The following RGS20 variants were observed in gnomAD, a reference collection of about 807,000 sequenced individuals.
RGS20 encodes gz-selective GTPase-activating protein.
Under a neutral mutation model 33.6 loss-of-function variants are expected in RGS20, and 30 were observed. The ratio of observed to expected loss-of-function variants is 0.89; its 90% CI spans 0.67 to 1.21. The LOEUF (loss-of-function observed/expected upper bound fraction) is 1.21. Among genes scored for constraint, RGS20 ranks in the 50% most tolerant of loss-of-function variants. The probability of loss-of-function intolerance (pLI) is 0.00; values close to 1 mark genes in which losing one functional copy is unlikely to be tolerated. For missense variants in RGS20, 472 were observed against 502.4 expected (o/e 0.94, Z 0.58); for synonymous variants, 208 against 197.9 (o/e 1.05, Z -0.43).
chr8:53,934,935 T>C (rs781222438), intron 2 of RGS20, among the ~76,000 whole-genome samples: 1 of 152,110 alleles, frequency 6.6e-6, no homozygotes, highest in Non-Finnish European at 1.5e-5. Context: ...GCAATCAAAT[T>C]AGAACTCAGG....
intron 5 of RGS20, among the ~76,000 whole-genome samples, chr8:53,957,517 C>T (rs1814902103): frequency 6.6e-6 from 1 of 152,242 alleles, no homozygotes; most frequent in Non-Finnish European, 1.5e-5. Context: ...CAGCACTCAT[C>T]CCCAGAGCCC....
chr8:53,914,422 C>A lies in RGS20; in HGVS notation c.511-25154C>A, dbSNP rs73589227. On this transcript the variant is annotated intron_variant, in intron 2 of 5. Coordinates refer to ENST00000297313, the MANE Select transcript of RGS20 (RefSeq NM_170587.4). Reference sequence around the variant, plus strand: ...TTTCTCTTCCTATTTTTGATCTTATCCCTTACAGATCTCCCTTCATGTCCC... The same window carrying A: ...TTTCTCTTCCTATTTTTGATCTTATACCTTACAGATCTCCCTTCATGTCCC... Among the ~76,000 whole-genome samples, 1,475 of 152,232 alleles carry A rather than the reference C, an allele frequency of 9.7e-3. 27 individuals are homozygous for A. The highest frequency in any genetic ancestry group is 0.034 in the African/African-American group (1,402 of 41,536).
At chr8:53,881,059 C>T (rs755675513) in intron 2 of RGS20, 4 of 1,550,808 alleles carry the variant, frequency 2.6e-6, no homozygotes, top group East Asian at 4.6e-5. Flanking sequence ...GCTTCCTCCC[C>T]GGCCGGCAGG....
intron 2 of RGS20, among the ~76,000 whole-genome samples, chr8:53,920,764 A>ATT (rs527736289): frequency 6.7e-6 from 1 of 150,004 alleles, no homozygotes; most frequent in African/African-American, 2.4e-5. Context: ...TTGTCAAATA[A>ATT]TTTTTTTTTT....
intron 1 of RGS20, among the ~76,000 whole-genome samples, chr8:53,875,143 C>T (rs1266333543): frequency 1.3e-5 from 2 of 152,148 alleles, no homozygotes; most frequent in East Asian, 3.9e-4. Context: ...TTCAAAGCAC[C>T]ATCTCCAGCA....
At chr8:53,923,307 A>T (rs528211083) in intron 2 of RGS20, among the ~76,000 whole-genome samples, 3 of 152,304 alleles carry the variant, frequency 2.0e-5, no homozygotes, top group Non-Finnish European at 4.4e-5. Flanking sequence ...TCTTTAAAAA[A>T]TATTAGGCCT....
intron 1 of RGS20, among the ~76,000 whole-genome samples, chr8:53,865,416 C>T (rs1413921660): frequency 6.6e-6 from 1 of 152,220 alleles, no homozygotes; most frequent in Admixed American, 6.5e-5. Context: ...TGTAAAACCA[C>T]ATCTATCAAA....
intron 1 of RGS20, among the ~76,000 whole-genome samples, chr8:53,867,160 T>C (rs1185226965): frequency 1.3e-5 from 2 of 152,014 alleles, no homozygotes; most frequent in Non-Finnish European, 2.9e-5. Context: ...CTCCCTTCAT[T>C]TCACCAGTGC....
intron 1 of RGS20, among the ~76,000 whole-genome samples, chr8:53,855,130 T>A (rs899263993): frequency 2.6e-5 from 4 of 152,052 alleles, no homozygotes; most frequent in Admixed American, 2.6e-4. Context: ...AGTGGGGCAA[T>A]CTCGGCTCAC....
chr8:53,947,983 GTATA>G (rs1380807673), intron 4 of RGS20, among the ~76,000 whole-genome samples: 1 of 133,258 alleles, frequency 7.5e-6, no homozygotes, highest in Non-Finnish European at 1.5e-5. Flanking sequence ...ATATAAGATA[GTATA>G]TATATTTATA....
intron 4 of RGS20, among the ~76,000 whole-genome samples, chr8:53,947,042 A>G (rs1170167117): frequency 6.8e-6 from 1 of 147,610 alleles, no homozygotes; most frequent in Non-Finnish European, 1.5e-5. Context: ...TATACTTTTA[A>G]AAATAAAAGT....
At chr8:53,942,218 A>T (rs981550949) in intron 3 of RGS20, among the ~76,000 whole-genome samples, 1 of 152,136 alleles carries the variant, frequency 6.6e-6, no homozygotes, top group African/African-American at 2.4e-5. Context: ...GGTTTCGGTG[A>T]GCCGAGATTG....
chr8:53,872,366 G>T (rs1812095284), intron 1 of RGS20, among the ~76,000 whole-genome samples: 1 of 152,056 alleles, frequency 6.6e-6, no homozygotes, highest in African/African-American at 2.4e-5. Context: ...ATTTCCCATT[G>T]CTTTTACAAT....
At chr8:53,948,583 A>G (rs1458309938) in intron 4 of RGS20, among the ~76,000 whole-genome samples, 2 of 69,390 alleles carry the variant, frequency 2.9e-5, no homozygotes, top group Non-Finnish European at 5.1e-5. Flanking sequence ...TATGCTATAT[A>G]TGATACAGTA....
chr8:53,924,026 C>T (rs1470959839), intron 2 of RGS20, among the ~76,000 whole-genome samples: 1 of 146,298 alleles, frequency 6.8e-6, no homozygotes, highest in Non-Finnish European at 1.5e-5. Context: ...TTTGCAAATA[C>T]TTTTTTTTTT....
intron 2 of RGS20, 54 bp downstream of exon 1, chr8:53,881,138 G>C: frequency 7.4e-7 from 1 of 1,354,944 alleles, no homozygotes; most frequent in Non-Finnish European, 9.8e-7. Context: ...TCGCCCTGAG[G>C]CTTCGTGCTG....
intron 2 of RGS20, among the ~76,000 whole-genome samples, chr8:53,914,517 G>A (rs1473120891): frequency 6.6e-6 from 1 of 152,040 alleles, no homozygotes; most frequent in Non-Finnish European, 1.5e-5. Flanking sequence ...GATAATCTTA[G>A]TTTCTTTATG....
At chr8:53,927,183 C>T (rs1585929016) in intron 2 of RGS20, among the ~76,000 whole-genome samples, 2 of 142,662 alleles carry the variant, frequency 1.4e-5, no homozygotes, top group South Asian at 4.4e-4. Context: ...TCAGGATGCT[C>T]TTTTTGTTTT....
chr8:53,930,173 A>T (rs1813914741), intron 2 of RGS20, among the ~76,000 whole-genome samples: 1 of 152,268 alleles, frequency 6.6e-6, no homozygotes, highest in South Asian at 2.1e-4. Flanking sequence ...AGACAGTATG[A>T]TCATCTAATT....
Sources: allele counts gnomAD v4.1 joint callset (sites outside exome capture counted in the v4.1 genomes callset), GRCh38; gene constraint gnomAD v4.1.1; transcripts MANE v1.5; gene names NCBI Gene and HGNC (gene_info 2026-07-23, HGNC 2026-07-21).